VEGFD: variants seen among roughly 807,000 people sequenced by gnomAD.
VEGFD encodes the protein vascular endothelial growth factor D.
A neutral mutation model predicts 28.0 loss-of-function variants in VEGFD; 26 were observed. The observed-to-expected ratio is 0.93, with a 90% confidence interval of 0.68 to 1.29. The LOEUF (loss-of-function observed/expected upper bound fraction) is 1.29, where lower values mean the gene tolerates loss of function less well. Among genes scored for constraint, VEGFD ranks in the 50% most tolerant of loss-of-function variants. The pLI, the probability that VEGFD is intolerant of heterozygous loss-of-function variation, is 0.00. For synonymous variants in VEGFD, 93 were observed against 95.5 expected (o/e 0.97, Z 0.15); for missense variants, 294 against 273.4 (o/e 1.08, Z -0.53).
At chrX:15,346,429 C>T (rs1922549941) in intron 6 of VEGFD, among the ~76,000 whole-genome samples, 170 bp from the exon 7 acceptor site, 1 of 111,872 alleles carries the variant, frequency 8.9e-6, no homozygotes, top group African/African-American at 3.3e-5. Context: ...AATCAGTAAC[C>T]TCCAAGTGTT....
chrX:15,346,925 G>A (rs949791504), intron 6 of VEGFD, among the ~76,000 whole-genome samples: 2 of 103,619 alleles, frequency 1.9e-5, no homozygotes, highest in Non-Finnish European at 4.0e-5. Flanking sequence ...GCGAGACTCC[G>A]TCTAAAAAAA....
intron 1 of VEGFD, among the ~76,000 whole-genome samples, chrX:15,370,643 C>A (rs2147747908): frequency 9.0e-6 from 1 of 111,731 alleles, no homozygotes; most frequent in African/African-American, 3.2e-5. Flanking sequence ...AGCAATTGGG[C>A]CCAGGTTTGT....
At chrX:15,378,071 G>A (rs1923481197) in intron 1 of VEGFD, among the ~76,000 whole-genome samples, 1 of 112,132 alleles carries the variant, frequency 8.9e-6, no homozygotes, top group Non-Finnish European at 1.9e-5. Flanking sequence ...AAGGCTCTCA[G>A]GGATGAAGGA....
intron 1 of VEGFD, among the ~76,000 whole-genome samples, chrX:15,375,800 A>G (rs1469222592): frequency 2.7e-5 from 3 of 110,650 alleles, no homozygotes; most frequent in Admixed American, 9.7e-5. Flanking sequence ...AATGCCTGGG[A>G]CCTCCACATC....
At chrX:15,374,034 C>T (rs764548462) in intron 1 of VEGFD, among the ~76,000 whole-genome samples, 1 of 111,684 alleles carries the variant, frequency 9.0e-6, no homozygotes, top group African/African-American at 3.2e-5. Context: ...AAATAACATT[C>T]CCCAAGATGA....
intron 1 of VEGFD, 128 bp from the exon 2 acceptor site, chrX:15,363,447 C>T (rs780485610): frequency 1.1e-5 from 6 of 532,465 alleles, no homozygotes; most frequent in Non-Finnish European, 1.8e-5. Context: ...AAACGTATGC[C>T]AGTGCCTAGG....
intron 2 of VEGFD, among the ~76,000 whole-genome samples, chrX:15,359,945 A>G (rs1264655450): frequency 8.9e-6 from 1 of 112,348 alleles, no homozygotes; most frequent in East Asian, 2.8e-4. Flanking sequence ...ACTGAGATAA[A>G]TATTGTTTTA....
At chrX:15,360,400 G>A (rs1346478491) in intron 2 of VEGFD, among the ~76,000 whole-genome samples, 3 of 105,026 alleles carry the variant, frequency 2.9e-5, no homozygotes, top group South Asian at 4.4e-4. Context: ...GTGCAGCGGC[G>A]CGATCTCGGC....
At chrX:15,362,498 C>A (rs1923038767) in intron 2 of VEGFD, among the ~76,000 whole-genome samples, 1 of 111,095 alleles carries the variant, frequency 9.0e-6, no homozygotes, top group African/African-American at 3.3e-5. Context: ...CTCACTGCAG[C>A]CTCGACCTCC....
chrX:15,376,257 C>T (rs781154806), intron 1 of VEGFD, among the ~76,000 whole-genome samples: 10 of 111,850 alleles, frequency 8.9e-5, no homozygotes, highest in Non-Finnish European at 1.3e-4. Context: ...TATGATTGCA[C>T]GTTTTTCTAT....
chrX:15,346,779 A>C (rs762112811), intron 6 of VEGFD, among the ~76,000 whole-genome samples: 1 of 110,916 alleles, frequency 9.0e-6, no homozygotes, highest in South Asian at 3.9e-4. Context: ...TGAAATACAA[A>C]AATTAGCTGG....
At chrX:15,378,400 T>C in intron 1 of VEGFD, among the ~76,000 whole-genome samples, 1 of 112,343 alleles carries the variant, frequency 8.9e-6, no homozygotes, top group East Asian at 2.8e-4. Context: ...ATGTTGGAGA[T>C]GATTTAATGC....
intron 4 of VEGFD, among the ~76,000 whole-genome samples, chrX:15,354,263 G>A (rs1385383625): frequency 9.0e-6 from 1 of 111,167 alleles, no homozygotes; most frequent in Non-Finnish European, 1.9e-5. Flanking sequence ...GAGCCACCGT[G>A]CCCGGCCCCT....
intron 5 of VEGFD, among the ~76,000 whole-genome samples, 185 bp downstream of exon 5, chrX:15,352,883 C>A (rs779272645): frequency 9.0e-6 from 1 of 111,478 alleles, no homozygotes; most frequent in South Asian, 3.8e-4. Context: ...CTTGGTGTGC[C>A]CATTTTGTAA....
intron 1 of VEGFD, among the ~76,000 whole-genome samples, chrX:15,374,601 C>T (rs1415712161): frequency 1.8e-5 from 2 of 111,453 alleles, no homozygotes; most frequent in Non-Finnish European, 3.8e-5. Flanking sequence ...AAAAGGATAA[C>T]GTAAGTGAAT....
intron 1 of VEGFD, among the ~76,000 whole-genome samples, chrX:15,378,758 C>G (rs1168617708): frequency 9.0e-6 from 1 of 111,647 alleles, no homozygotes; most frequent in Non-Finnish European, 1.9e-5. Flanking sequence ...GGCCTGTTAG[C>G]TAAGAACAAT....
chrX:15,358,005 G>T lies in VEGFD; in HGVS notation c.490C>A (p.Gln164Lys), dbSNP rs1922908684. The change falls in exon 3 of 7, where the codon CAG becomes AAG. Residue 164 changes from glutamine to lysine, a missense_variant and splice_region_variant. Coordinates refer to ENST00000297904, the MANE Select transcript of VEGFD (RefSeq NM_004469.5). ...MNTSTSYISK[Q>K]LFEISVPLTS... ...CAGGCTTGCCGATGTCCTTATACCT[G>T]TTTGGAAATGTACGAGGTGCTGGTG... The T allele has an allele frequency of 8.3e-7, 1 of 1,209,171 alleles. No individual in the cohort carries two copies. Among genetic ancestry groups the T allele is most frequent in the Non-Finnish European group, 1.1e-6 (1 of 893,936 alleles).
At chrX:15,364,536 G>T (rs756333973) in intron 1 of VEGFD, among the ~76,000 whole-genome samples, 2 of 112,246 alleles carry the variant, frequency 1.8e-5, no homozygotes, top group Admixed American at 9.4e-5. Context: ...GGGACAGAAC[G>T]AATTGAGATC....
rs1602227145 is a variant in VEGFD at position 15,364,992 on chromosome X, T to C, written c.91-1673A>G. ...AGAAGAGCAAGTGTGGTCTAAGTCA[T>C]GTGTGATTCAGCTATGATATAACCT... On this transcript the variant is annotated intron_variant, in intron 1 of 6. Transcript: ENST00000297904. Among the ~76,000 whole-genome samples, 4 of 112,354 alleles carry C rather than the reference T, an allele frequency of 3.6e-5. No individual in the cohort carries two copies. In the East Asian group the frequency reaches 8.4e-4, roughly 24 times the overall value.
Sources: allele counts gnomAD v4.1 joint callset (sites outside exome capture counted in the v4.1 genomes callset), GRCh38; gene constraint gnomAD v4.1.1; transcripts MANE v1.5; gene names NCBI Gene and HGNC (gene_info 2026-07-23, HGNC 2026-07-21).